BLVRA: variants seen among roughly 807,000 people sequenced by gnomAD.
The protein encoded by BLVRA is biliverdin reductase A, also known as BVR A.
Under a neutral mutation model 32.8 loss-of-function variants are expected in BLVRA, and 22 were observed. The observed-to-expected ratio is 0.67, with a 90% CI of 0.48 to 0.96. The LOEUF is 0.96. Ranked by LOEUF, BLVRA falls within the 40% of genes least tolerant of loss-of-function variation. The pLI is 0.00. For synonymous variants in BLVRA, 119 were observed against 141.3 expected, an observed-to-expected ratio of 0.84 and a Z score of 1.12; for missense variants, 323 against 358.1, an observed-to-expected ratio of 0.90 and a Z score of 0.79.
Position 43,807,283 on chromosome 7 carries a change from C to A in BLVRA, c.*48C>A. ...TCCAAGATGGCACCAGCATTTGGTT[C>A]TTCTCAAGAGTTGACCATTATCTCT... On this transcript the variant is annotated 3_prime_UTR_variant, in exon 8 of 8. Coordinates refer to ENST00000265523, the MANE Select transcript of BLVRA (RefSeq NM_000712.4). 5.6e-6 allele frequency: 9 copies of A among 1,598,684 alleles called. No individual in the cohort carries two copies. The highest frequency in any genetic ancestry group is 6.8e-6 in the Non-Finnish European group (8 of 1,178,924).
Position 43,791,350 on chromosome 7 carries a change from G to A in BLVRA, c.236G>A (p.Ser79Asn). The A allele has an allele frequency of 6.2e-7, 1 of 1,614,150 alleles. No individual in the cohort carries two copies. Among genetic ancestry groups the A allele is most frequent in the Non-Finnish European group, 8.5e-7 (1 of 1,180,020 alleles). The change falls in exon 4 of 8, where the codon AGC becomes AAC. Residue 79 changes from serine to asparagine, a missense_variant. By Grantham distance (46) the Ser-to-Asn change is conservative (BLOSUM62 1). Coordinates refer to ENST00000265523, the MANE Select transcript of BLVRA (RefSeq NM_000712.4). ...EVAYICSESSSHEDYIRQFLN... is the reference protein window; with the variant it reads ...EVAYICSESSNHEDYIRQFLN... Reference sequence around the variant, plus strand: ...GCCTATATCTGCAGTGAGAGCTCCAGCCATGAGGACTACATCAGGTGGGTT... The same window carrying A: ...GCCTATATCTGCAGTGAGAGCTCCAACCATGAGGACTACATCAGGTGGGTT...
In BLVRA at chr7:43,803,692, A is replaced by G; in HGVS notation, c.477A>G (p.Glu159=). The part of the protein sequence containing the change: ...SLLFTAGPLE[E]ERFGFPAFSG... ...TTCCCACAGCTGGCCCGTTGGAAGA[A>G]GAGCGGTTTGGCTTCCCTGCATTCA... is the stretch of plus-strand genomic sequence containing the variant. Residue 159 remains glutamate (E), a synonymous_variant, in exon 7 of 8, where the codon GAA becomes GAG. Coordinates refer to ENST00000265523, the MANE Select transcript of BLVRA (RefSeq NM_000712.4). 1 of 1,613,808 alleles carries G rather than the reference A, an allele frequency of 6.2e-7. No individual in the cohort carries two copies. The highest frequency in any genetic ancestry group is 2.2e-5 in the East Asian group (1 of 44,864).
chr7:43,771,509 G>T (rs1320240878), intron 2 of BLVRA, among the ~76,000 whole-genome samples: 1 of 152,154 alleles, frequency 6.6e-6, no homozygotes, highest in African/African-American at 2.4e-5. Flanking sequence ...TTGTCTCCTT[G>T]GTGCTCTCAC....
chr7:43,771,315 T>G, intron 2 of BLVRA, 145 bp downstream of exon 2: 2 of 973,476 alleles, frequency 2.1e-6, no homozygotes, highest in South Asian at 2.7e-5. Flanking sequence ...TGCACGTGGT[T>G]CTGGGTGATG....
At chr7:43,762,510 T>C (rs2095743420) in intron 1 of BLVRA, among the ~76,000 whole-genome samples, 1 of 151,830 alleles carries the variant, frequency 6.6e-6, no homozygotes, top group Admixed American at 6.6e-5. Flanking sequence ...ATTAATTTAC[T>C]GTGAGATTTT....
chr7:43,768,886 CA>C (rs2095751286), intron 1 of BLVRA, among the ~76,000 whole-genome samples: 1 of 151,976 alleles, frequency 6.6e-6, no homozygotes, highest in Non-Finnish European at 1.5e-5. Context: ...CCACCCCACC[CA>C]CCACCTGCGG....
intron 3 of BLVRA, among the ~76,000 whole-genome samples, chr7:43,789,876 CGT>C (rs141385505): frequency 0.46 from 68,081 of 148,934 alleles, 16,335 homozygotes; most frequent in African/African-American, 0.64. Flanking sequence ...GTGGTATGTA[CGT>C]GTGTGTGTGT....
At chr7:43,772,157 G>A (rs949590673) in intron 2 of BLVRA, among the ~76,000 whole-genome samples, 1 of 152,152 alleles carries the variant, frequency 6.6e-6, no homozygotes, top group Non-Finnish European at 1.5e-5. Flanking sequence ...TCGATCCTGC[G>A]GCTCAGTGAC....
chr7:43,803,629 T>G (rs1216912678), intron 6 of BLVRA, 47 bp from the exon 7 acceptor site: 1 of 1,412,508 alleles, frequency 7.1e-7, no homozygotes, highest in African/African-American at 1.5e-5. Flanking sequence ...GCTTTCCACT[T>G]GGCATTCCTG....
intron 5 of BLVRA, among the ~76,000 whole-genome samples, chr7:43,793,091 A>AT (rs2095788000): frequency 2.0e-5 from 3 of 152,190 alleles, no homozygotes; most frequent in Admixed American, 2.0e-4. Flanking sequence ...TCATGATATT[A>AT]TTTTGGCTTT....
At chr7:43,801,367 A>G (rs539515246) in intron 6 of BLVRA, among the ~76,000 whole-genome samples, 1 of 152,162 alleles carries the variant, frequency 6.6e-6, no homozygotes, top group African/African-American at 2.4e-5. Flanking sequence ...CTCCGTTAGC[A>G]ATAGGAAATG....
At chr7:43,780,661 C>G (rs748430463) in intron 2 of BLVRA, among the ~76,000 whole-genome samples, 13 of 152,216 alleles carry the variant, frequency 8.5e-5, no homozygotes, top group Non-Finnish European at 1.8e-4. Context: ...TCCACACACC[C>G]AGTTCCTGAC....
chr7:43,768,910 T>C (rs2095751341), intron 1 of BLVRA, among the ~76,000 whole-genome samples: 1 of 151,458 alleles, frequency 6.6e-6, no homozygotes, highest in Non-Finnish European at 1.5e-5. Context: ...CAGCTCTCAG[T>C]GTCTTAGTTA....
intron 5 of BLVRA, among the ~76,000 whole-genome samples, chr7:43,797,501 CTAAAA>C (rs754337343): frequency 6.6e-6 from 1 of 152,200 alleles, no homozygotes; most frequent in Non-Finnish European, 1.5e-5. Flanking sequence ...AACCGGGAAA[CTAAAA>C]TATTCATGTG....
intron 4 of BLVRA, chr7:43,791,619 TTAAAGTGTTTTATTTCTCTGTAA>T: frequency 2.1e-6 from 1 of 465,338 alleles, no homozygotes; most frequent in Non-Finnish European, 3.9e-6. Flanking sequence ...ACATTCAGAA[TTAAAGTGTTTTATTTCTCTGTAA>T]AAACCCATCG....
At chr7:43,762,161 G>C (rs1246552374) in intron 1 of BLVRA, among the ~76,000 whole-genome samples, 1 of 152,138 alleles carries the variant, frequency 6.6e-6, no homozygotes, top group African/African-American at 2.4e-5. Flanking sequence ...CATTCTGCAT[G>C]ATGTGTAATC....
At position 43,763,495 on chromosome 7, in the gene BLVRA, G is replaced by A. The variant is rs149296392; in HGVS notation, c.-22+4761G>A. Among the ~76,000 whole-genome samples, 52 of 152,312 alleles carry A rather than the reference G, an allele frequency of 3.4e-4. 1 individual carries two copies. In the East Asian group the frequency reaches 7.1e-3, roughly 21 times the overall value. On this transcript the variant is annotated intron_variant, in intron 1 of 7. Coordinates refer to ENST00000265523, the MANE Select transcript of BLVRA (RefSeq NM_000712.4). ...GTCTTTCTGCCTCTGCAGAATGAAG[G>A]TTGGGGCACGGGGGGCGCTCTACTT...
chr7:43,771,961 G>A (rs17239481), intron 2 of BLVRA, among the ~76,000 whole-genome samples: 179 of 152,310 alleles, frequency 1.2e-3, no homozygotes, highest in African/African-American at 4.2e-3. Context: ...ATTTTACAGA[G>A]GAAAATGTAA....
chr7:43,766,053 C>T (rs549677190), intron 1 of BLVRA, among the ~76,000 whole-genome samples: 3 of 152,122 alleles, frequency 2.0e-5, no homozygotes, highest in Admixed American at 1.3e-4. Context: ...TTTGGGAGGC[C>T]GAGGTGGGTG....
Sources: allele counts gnomAD v4.1 joint callset (sites outside exome capture counted in the v4.1 genomes callset), GRCh38; gene constraint gnomAD v4.1.1; transcripts MANE v1.5; gene names NCBI Gene and HGNC (gene_info 2026-07-23, HGNC 2026-07-21).